Variants in TMTC1 observed in about 807,000 individuals in gnomAD.
TMTC1 encodes protein O-mannosyl-transferase TMTC1.
A neutral mutation model predicts 104.8 loss-of-function variants in TMTC1; 73 were observed. That is an observed-to-expected ratio of 0.70 (90% confidence interval 0.58 to 0.85). TMTC1 has a LOEUF of 0.85. TMTC1 is among the 40% of genes least tolerant of loss of function. The pLI, the probability that TMTC1 is intolerant of heterozygous loss-of-function variation, is 0.00. For missense variants in TMTC1, 1,035 were observed against 1,096.1 expected, an observed-to-expected ratio of 0.94 and a Z score of 0.79; for synonymous variants, 434 against 428.7, an observed-to-expected ratio of 1.01 and a Z score of -0.15.
intron 10 of TMTC1, among the ~76,000 whole-genome samples, chr12:29,542,362 A>T (rs149597941): frequency 2.0e-3 from 308 of 152,332 alleles, no homozygotes; most frequent in African/African-American, 7.0e-3. Flanking sequence ...ATAGGTAAAA[A>T]GTGCAGGTAA....
chr12:29,781,814 G>A (rs1312171145), intron 1 of TMTC1, among the ~76,000 whole-genome samples: 1 of 152,202 alleles, frequency 6.6e-6, no homozygotes, highest in East Asian at 1.9e-4. Flanking sequence ...CTGGAGGACA[G>A]AGTGAGATCC....
chr12:29,514,164 A>G (rs139350863), intron 16 of TMTC1, among the ~76,000 whole-genome samples: 18 of 152,308 alleles, frequency 1.2e-4, no homozygotes, highest in African/African-American at 3.8e-4. Flanking sequence ...GTACTAGTCC[A>G]GCTGGAATAG....
At chr12:29,726,430 A>G (rs565379778) in intron 5 of TMTC1, among the ~76,000 whole-genome samples, 83 of 146,668 alleles carry the variant, frequency 5.7e-4, no homozygotes, top group Admixed American at 5.6e-3. Flanking sequence ...CAATCTTAAT[A>G]TAACCCCAGA....
At chr12:29,523,295 C>T (rs1944236727) in intron 11 of TMTC1, among the ~76,000 whole-genome samples, 1 of 152,186 alleles carries the variant, frequency 6.6e-6, no homozygotes, top group Admixed American at 6.5e-5. Flanking sequence ...TTGCCACTGC[C>T]ATGTGGTCAG....
intron 5 of TMTC1, among the ~76,000 whole-genome samples, chr12:29,724,823 A>G (rs1054818992): frequency 6.6e-6 from 1 of 152,174 alleles, no homozygotes; most frequent in Admixed American, 6.5e-5. Context: ...CCAATACACA[A>G]GGATCTTTTA....
chr12:29,640,337 G>A (rs1051272460), intron 5 of TMTC1, among the ~76,000 whole-genome samples: 3 of 141,444 alleles, frequency 2.1e-5, no homozygotes, highest in Admixed American at 2.0e-4. Flanking sequence ...ACAGAGCAGC[G>A]AGGGGGGGCT....
chr12:29,588,497 G>A (rs532024439), intron 7 of TMTC1, among the ~76,000 whole-genome samples: 96 of 152,236 alleles, frequency 6.3e-4, no homozygotes, highest in African/African-American at 2.2e-3. Flanking sequence ...TCTGGGCTCC[G>A]TTCTTTCATT....
At position 29,721,806 on chromosome 12, in the gene TMTC1, A is replaced by G. The variant is rs141795546; in HGVS notation, c.938+29860T>C. On this transcript the variant is annotated intron_variant, in intron 5 of 17. Transcript: ENST00000539277. ...ATATAGGTTATTTCTGTTGATATCT[A>G]CCATATAAGAAATTAAAACATAATT... Among the ~76,000 whole-genome samples the G allele has an allele frequency of 4.0e-4, 60 of 151,064 alleles. 1 individual carries two copies. In the East Asian group the frequency reaches 0.011, roughly 27 times the overall value.
chr12:29,514,377 C>T (rs1943924002), intron 16 of TMTC1, 105 bp downstream of exon 16: 1 of 1,225,108 alleles, frequency 8.2e-7, no homozygotes, highest in Admixed American at 2.6e-5. Context: ...CATAAACATA[C>T]ATGCCAGTGA....
chr12:29,605,571 T>TA (rs34353381), intron 6 of TMTC1, among the ~76,000 whole-genome samples: 37,827 of 101,644 alleles, frequency 0.37, 5,794 homozygotes, highest in East Asian at 0.5. Flanking sequence ...CCAAAAAGGG[T>TA]AAAAAAAAAA....
At chr12:29,710,550 A>C (rs1428531276) in intron 5 of TMTC1, among the ~76,000 whole-genome samples, 1 of 145,588 alleles carries the variant, frequency 6.9e-6, no homozygotes, top group Non-Finnish European at 1.5e-5. Flanking sequence ...CTTATATATA[A>C]TATATATAAA....
intron 9 of TMTC1, among the ~76,000 whole-genome samples, chr12:29,571,755 C>G (rs1366224714): frequency 6.6e-6 from 1 of 151,990 alleles, no homozygotes. Flanking sequence ...ATATGCATAC[C>G]ATTAAAATTC....
chr12:29,643,697 A>AATATAAATATATATATT lies in TMTC1; in HGVS notation c.939-10362_939-10361insAATATATATATTTATAT, dbSNP rs1565733573. ...TATCTATATATTATATATATTATAT[A>AATATAAATATATATATT]TATTATATATTATATATATAATATA... On this transcript the variant is annotated intron_variant, in intron 5 of 17. Transcript: ENST00000539277. Among the ~76,000 whole-genome samples the AATATAAATATATATATT allele has an allele frequency of 1.6e-4, 6 of 37,670 alleles. 1 individual carries two copies. Among genetic ancestry groups the AATATAAATATATATATT allele is most frequent in the African/African-American group, 4.6e-4 (4 of 8,706 alleles). The allele number at this position is 37,670 out of a possible 152,430, so 24.7% of individuals were successfully genotyped here.
intron 11 of TMTC1, among the ~76,000 whole-genome samples, chr12:29,528,552 C>A (rs1430884974): frequency 6.6e-6 from 1 of 152,156 alleles, no homozygotes; most frequent in East Asian, 1.9e-4. Flanking sequence ...ATATAGCACA[C>A]TTTTTACCTC....
At chr12:29,588,489 TGG>T (rs1470025275) in intron 7 of TMTC1, among the ~76,000 whole-genome samples, 1 of 152,218 alleles carries the variant, frequency 6.6e-6, no homozygotes, top group Non-Finnish European at 1.5e-5. Context: ...TGAAGCCCTC[TGG>T]GCTCCGTTCT....
chr12:29,773,739 C>A (rs1943646596), intron 1 of TMTC1, among the ~76,000 whole-genome samples: 1 of 152,152 alleles, frequency 6.6e-6, no homozygotes, highest in South Asian at 2.1e-4. Flanking sequence ...CAGGTCAAAA[C>A]ATTCTGATTA....
intron 5 of TMTC1, among the ~76,000 whole-genome samples, chr12:29,696,704 C>T (rs552662774): frequency 2.6e-5 from 4 of 152,124 alleles, no homozygotes; most frequent in East Asian, 1.9e-4. Context: ...GGACCATTAA[C>T]GTGTCACATC....
At chr12:29,600,008 A>ATATATATAT (rs59108744) in intron 7 of TMTC1, among the ~76,000 whole-genome samples, 55 of 118,678 alleles carry the variant, frequency 4.6e-4, no homozygotes, top group Admixed American at 9.2e-4. Context: ...ATATATATAT[A>ATATATATAT]TTTTTTTTTT....
Position 29,670,934 on chromosome 12 carries a change from C to CA in TMTC1, c.939-37599dup, listed in dbSNP as rs374719241. On this transcript the variant is annotated intron_variant, in intron 5 of 17. Coordinates refer to ENST00000539277, the MANE Select transcript of TMTC1 (RefSeq NM_001193451.2). ...TGGGCCACAGCACGAGACTCTGTCT[C>CA]AAAAAAAAAGAAAAAAAAGGATAGG... 1.3e-4 allele frequency among the ~76,000 whole-genome samples: 9 copies of CA among 68,594 alleles called. 1 individual carries two copies. Among genetic ancestry groups the CA allele is most frequent in the Middle Eastern group, 8.2e-3 (1 of 122 alleles). The allele number at this position is 68,594 out of a possible 152,430, so 45.0% of individuals were successfully genotyped here. A position where few individuals can be genotyped will look rare whatever the true frequency, so the allele number is the denominator to read the frequency against.
Sources: allele counts gnomAD v4.1 joint callset (sites outside exome capture counted in the v4.1 genomes callset), GRCh38; gene constraint gnomAD v4.1.1; transcripts MANE v1.5; gene names NCBI Gene and HGNC (gene_info 2026-07-23, HGNC 2026-07-21).